The following SHANK2 variants were observed in gnomAD, a reference collection of about 807,000 sequenced individuals.
The protein encoded by SHANK2 is SH3 and multiple ankyrin repeat domains 2, also known as SH3 and multiple ankyrin repeat domains protein 2.
A neutral mutation model predicts 133.7 loss-of-function variants in SHANK2; 43 were observed. That is an observed-to-expected ratio of 0.32 (90% CI 0.25 to 0.41). The LOEUF is 0.41. Among genes scored for constraint, SHANK2 ranks in the 10% least tolerant of loss-of-function variants. SHANK2 has a pLI of 1.00. For synonymous variants in SHANK2, 1,017 were observed against 952.8 expected, an observed-to-expected ratio of 1.07 and a Z score of -1.24; for missense variants, 1,994 against 2,235.8, an observed-to-expected ratio of 0.89 and a Z score of 2.18.
At position 70,535,948 on chromosome 11, in the gene SHANK2, G is replaced by A. The variant is rs1054932576; in HGVS notation, c.2062-33017C>T. Among the ~76,000 whole-genome samples the A allele has an allele frequency of 5.9e-5, 9 of 152,236 alleles. No individual in the cohort carries two copies. Among genetic ancestry groups the A allele is most frequent in the Non-Finnish European group, 1.0e-4 (7 of 68,032 alleles). Reference sequence around the variant, plus strand: ...CCCAGAATGGACATGTGGCTCACCCGAGGCTGGTTGACTGAGGGGGCTGCG... The same window carrying A: ...CCCAGAATGGACATGTGGCTCACCCAAGGCTGGTTGACTGAGGGGGCTGCG... On this transcript the variant is annotated intron_variant, in intron 17 of 25. Transcript: ENST00000601538. The surrounding 1 kb of genome is among the most constrained non-coding windows in gnomAD (Gnocchi z 4.3).
chr11:71,221,026 C>A (rs188207075), intron 2 of SHANK2, among the ~76,000 whole-genome samples: 1,661 of 152,058 alleles, frequency 0.011, 32 homozygotes, highest in African/African-American at 0.037. Context: ...CATGGTGAAA[C>A]CCTGTCTCTA....
chr11:71,140,292 G>A (rs1952530261), intron 3 of SHANK2, among the ~76,000 whole-genome samples: 1 of 152,232 alleles, frequency 6.6e-6, no homozygotes. Context: ...AAGAGGCCCT[G>A]GCTTTCACGA....
chr11:70,559,518 C>T (rs1355572852), intron 17 of SHANK2, among the ~76,000 whole-genome samples: 1 of 152,154 alleles, frequency 6.6e-6, no homozygotes, highest in African/African-American at 2.4e-5. Context: ...CCCAGAGCCG[C>T]CTCAGCTTTC....
At chr11:70,832,232 T>A (rs1306859160) in intron 11 of SHANK2, among the ~76,000 whole-genome samples, 3 of 152,216 alleles carry the variant, frequency 2.0e-5, no homozygotes, top group African/African-American at 2.4e-5. Context: ...GTGTCGGTGA[T>A]CCCTGAATGA....
At position 70,599,169 on chromosome 11, in the gene SHANK2, G is replaced by A. The variant is rs547770812; in HGVS notation, c.2061+60659C>T. Among the ~76,000 whole-genome samples the A allele has an allele frequency of 2.0e-5, 3 of 152,172 alleles. No homozygotes were observed. In the East Asian group the frequency reaches 5.8e-4, roughly 29 times the overall value. ...AATAAAAATCAATATACCAAAGCCA[G>A]CCATATTTCTACATTTCAGCAAGAA... On this transcript the variant is annotated intron_variant, in intron 17 of 25. Coordinates refer to ENST00000601538, the MANE Select transcript of SHANK2 (RefSeq NM_012309.5).
At chr11:70,766,891 C>T (rs1402787184) in intron 14 of SHANK2, among the ~76,000 whole-genome samples, 3 of 152,282 alleles carry the variant, frequency 2.0e-5, no homozygotes, top group East Asian at 3.9e-4. Context: ...CGGCATAAGA[C>T]GGGTGATTTT....
chr11:70,673,647 C>A (rs1555016598), intron 15 of SHANK2, among the ~76,000 whole-genome samples: 1 of 152,260 alleles, frequency 6.6e-6, no homozygotes, highest in Non-Finnish European at 1.5e-5. Flanking sequence ...TGGGGGCCCA[C>A]CTGCAGCCCG....
chr11:70,912,969 C>T (rs1309481232), intron 10 of SHANK2, among the ~76,000 whole-genome samples: 4 of 152,052 alleles, frequency 2.6e-5, no homozygotes, highest in East Asian at 1.9e-4. Context: ...TGTCTTATTT[C>T]CTTCAGTTCT....
chr11:71,225,809 T>C (rs1954630485), intron 1 of SHANK2, among the ~76,000 whole-genome samples: 2 of 152,046 alleles, frequency 1.3e-5, no homozygotes, highest in Admixed American at 6.5e-5. Context: ...TCACCAAAGA[T>C]ATAAAAAAGA....
chr11:70,506,632 T>G lies in SHANK2; in HGVS notation c.2062-3701A>C, dbSNP rs183915548. 1.7e-4 allele frequency among the ~76,000 whole-genome samples: 26 copies of G among 152,316 alleles called. 1 individual carries two copies. Among genetic ancestry groups the G allele is most frequent in the Admixed American group, 1.4e-3 (22 of 15,296 alleles). ...GTCATGAGCCACTTCCAAACAAAGTTGCTTTGGACGAGCTTCCCTGCAGTC... is the reference window on the plus strand; with the variant it reads ...GTCATGAGCCACTTCCAAACAAAGTGGCTTTGGACGAGCTTCCCTGCAGTC... On this transcript the variant is annotated intron_variant, in intron 17 of 25. Transcript: ENST00000601538.
chr11:70,921,947 C>T (rs993356382), intron 10 of SHANK2, among the ~76,000 whole-genome samples: 14 of 152,208 alleles, frequency 9.2e-5, no homozygotes, highest in African/African-American at 3.1e-4. Context: ...AAAAAACAGT[C>T]AATAGAAACA....
intron 10 of SHANK2, among the ~76,000 whole-genome samples, chr11:70,898,955 C>T (rs782357576): frequency 6.6e-6 from 1 of 152,158 alleles, no homozygotes. Context: ...ATGGATTTGA[C>T]AGAAGAGGGT....
At chr11:70,549,849 TTTTCACCAGGC>T (rs1191147291) in intron 17 of SHANK2, among the ~76,000 whole-genome samples, 1 of 152,110 alleles carries the variant, frequency 6.6e-6, no homozygotes, top group Non-Finnish European at 1.5e-5. Context: ...ATGTTTGGGT[TTTTCACCAGGC>T]AAGGGGCTTG....
At chr11:70,698,637 G>C (rs1764482533) in intron 15 of SHANK2, 51 bp downstream of exon 15, 1 of 718,228 alleles carries the variant, frequency 1.4e-6, no homozygotes, top group African/African-American at 1.7e-5. Flanking sequence ...TTGCAGCACA[G>C]ACGAACAGCT....
intron 14 of SHANK2, among the ~76,000 whole-genome samples, chr11:70,777,807 C>A (rs1010180457): frequency 6.6e-6 from 1 of 152,224 alleles, no homozygotes; most frequent in Non-Finnish European, 1.5e-5. Context: ...TCAAACACAT[C>A]ACTGGGAAAG....
intron 6 of SHANK2, among the ~76,000 whole-genome samples, chr11:71,109,564 G>A (rs924718288): frequency 3.3e-5 from 5 of 152,298 alleles, no homozygotes; most frequent in Admixed American, 6.5e-5. Flanking sequence ...TGGGCTGCCC[G>A]TGCCCAGCGG....
chr11:70,873,895 C>T (rs1345993810), intron 11 of SHANK2, among the ~76,000 whole-genome samples: 1 of 152,176 alleles, frequency 6.6e-6, no homozygotes, highest in Non-Finnish European at 1.5e-5. Context: ...GCAAGCTGCC[C>T]TCAAAAACAG....
At chr11:70,591,179 C>T (rs1394955562) in intron 17 of SHANK2, among the ~76,000 whole-genome samples, 1 of 152,000 alleles carries the variant, frequency 6.6e-6, no homozygotes, top group Non-Finnish European at 1.5e-5. Context: ...TGGTGAAACC[C>T]TGTCTCTACT....
At chr11:70,831,690 T>C (rs911135349) in intron 11 of SHANK2, among the ~76,000 whole-genome samples, 16 of 152,248 alleles carry the variant, frequency 1.1e-4, no homozygotes, top group African/African-American at 3.9e-4. Flanking sequence ...ATCAGAACAT[T>C]TCAAGGTGCT....
Sources: allele counts gnomAD v4.1 joint callset (sites outside exome capture counted in the v4.1 genomes callset), GRCh38; gene constraint gnomAD v4.1.1; non-coding constraint Gnocchi (gnomAD v3.1); transcripts MANE v1.5; gene names NCBI Gene and HGNC (gene_info 2026-07-23, HGNC 2026-07-21).